ZNF420: variants seen among roughly 807,000 people sequenced by gnomAD.
ZNF420 encodes the protein ATM and p53-associated KZNF protein.
Under a neutral mutation model 44.7 loss-of-function variants are expected in ZNF420, and 31 were observed. The observed-to-expected ratio is 0.69, with a 90% CI of 0.52 to 0.94. ZNF420 has a LOEUF of 0.94. Among genes scored for constraint, ZNF420 ranks in the 40% least tolerant of loss-of-function variants. The pLI, the probability that ZNF420 is intolerant of heterozygous loss-of-function variation, is 0.00. For synonymous variants in ZNF420, 245 were observed against 267.4 expected, an observed-to-expected ratio of 0.92 and a Z score of 0.82; for missense variants, 681 against 827.9, an observed-to-expected ratio of 0.82 and a Z score of 2.18.
intron 1 of ZNF420, among the ~76,000 whole-genome samples, chr19:37,019,492 A>T (rs1272945802): frequency 3.3e-5 from 5 of 152,160 alleles, no homozygotes; most frequent in Non-Finnish European, 7.4e-5. Context: ...TTGAAAATGG[A>T]GGCCAGGCGT....
intron 4 of ZNF420, among the ~76,000 whole-genome samples, chr19:37,097,650 T>C (rs539448138): frequency 6.6e-6 from 1 of 152,182 alleles, no homozygotes; most frequent in East Asian, 1.9e-4. Flanking sequence ...TATTAAAAAT[T>C]TTTTTGCATT....
At chr19:37,017,586 G>A (rs2074617195) in intron 1 of ZNF420, among the ~76,000 whole-genome samples, 1 of 152,048 alleles carries the variant, frequency 6.6e-6, no homozygotes, top group African/African-American at 2.4e-5. Context: ...CTCAATTCAC[G>A]CAAAAAGTTT....
intron 4 of ZNF420, among the ~76,000 whole-genome samples, chr19:37,101,475 G>A (rs1401162496): frequency 1.3e-5 from 2 of 152,138 alleles, no homozygotes; most frequent in Non-Finnish European, 2.9e-5. Flanking sequence ...AGCCTGGGCA[G>A]CAGAGCAAGA....
At chr19:37,084,832 T>G (rs1968664711) in intron 2 of ZNF420, among the ~76,000 whole-genome samples, 1 of 152,210 alleles carries the variant, frequency 6.6e-6, no homozygotes, top group Non-Finnish European at 1.5e-5. Flanking sequence ...TCTTTTTAAT[T>G]AAAGCCTTAA....
chr19:37,047,240 T>C (rs908872986), intron 1 of ZNF420, among the ~76,000 whole-genome samples: 2 of 152,208 alleles, frequency 1.3e-5, no homozygotes, highest in Non-Finnish European at 2.9e-5. Context: ...AATGTCATAG[T>C]ATTAGGAAGT....
chr19:37,011,238 C>T (rs1006481589), intron 1 of ZNF420, among the ~76,000 whole-genome samples: 1 of 152,146 alleles, frequency 6.6e-6, no homozygotes, highest in African/African-American at 2.4e-5. Context: ...TCTCCAAACC[C>T]GTTTCTGGTG....
At chr19:37,115,760 G>T (rs1346548514) in intron 4 of ZNF420, among the ~76,000 whole-genome samples, 1 of 151,808 alleles carries the variant, frequency 6.6e-6, no homozygotes, top group Non-Finnish European at 1.5e-5. Flanking sequence ...GTGTTGGGCT[G>T]GGGGGCGGTC....
chr19:37,060,397 TC>T (rs67493931), intron 1 of ZNF420, among the ~76,000 whole-genome samples: 27,988 of 152,040 alleles, frequency 0.18, 2,775 homozygotes, highest in African/African-American at 0.26. Context: ...TTGGCACTCC[TC>T]CCCTCAGCCC....
chr19:37,126,535 A>G (rs1971356042), intron 4 of ZNF420, among the ~76,000 whole-genome samples: 1 of 152,210 alleles, frequency 6.6e-6, no homozygotes, highest in South Asian at 2.1e-4. Flanking sequence ...GAAAATCATT[A>G]TCTGAATCTG....
chr19:37,048,398 C>A (rs2146419707), intron 1 of ZNF420, among the ~76,000 whole-genome samples: 1 of 152,134 alleles, frequency 6.6e-6, no homozygotes, highest in South Asian at 2.1e-4. Flanking sequence ...ATAAGACAAC[C>A]AAAAAGAAAT....
At chr19:37,052,718 T>G (rs1439861847) in intron 1 of ZNF420, among the ~76,000 whole-genome samples, 1 of 152,246 alleles carries the variant, frequency 6.6e-6, no homozygotes, top group Non-Finnish European at 1.5e-5. Flanking sequence ...GTAGAGTTTC[T>G]GCCAAGAGAT....
Position 37,128,324 on chromosome 19 carries a change from A to T in ZNF420, c.1333A>T (p.Lys445Ter). The part of the protein sequence containing the change: ...TRHQRIHTGE[K>*]PYECKECGKT... ...ACACCAGAGGATTCATACTGGTGAG[A>T]AACCCTATGAATGTAAAGAATGTGG... Residue 445 changes from lysine to a stop codon, truncating the protein, a stop_gained, in exon 5 of 5, where the codon AAA (lysine) becomes TAA (stop). Transcript: ENST00000337995. LOFTEE classifies it high-confidence loss of function. 4 of 1,614,068 alleles carry T rather than the reference A, an allele frequency of 2.5e-6. No homozygotes were observed. The highest frequency in any genetic ancestry group is 3.4e-6 in the Non-Finnish European group (4 of 1,179,978).
At chr19:37,068,501 G>A (rs1456381026) in intron 1 of ZNF420, among the ~76,000 whole-genome samples, 4 of 152,068 alleles carry the variant, frequency 2.6e-5, no homozygotes, top group African/African-American at 9.7e-5. Flanking sequence ...TTAGCTAGGC[G>A]TGATGGTGGA....
chr19:37,020,076 G>A (rs921415572), intron 1 of ZNF420, among the ~76,000 whole-genome samples: 5 of 151,992 alleles, frequency 3.3e-5, no homozygotes, highest in African/African-American at 1.2e-4. Flanking sequence ...AATGAGCCGG[G>A]CACAGTGGCG....
intron 2 of ZNF420, among the ~76,000 whole-genome samples, chr19:37,081,415 G>A (rs1469915978): frequency 6.6e-6 from 1 of 151,882 alleles, no homozygotes; most frequent in Non-Finnish European, 1.5e-5. Flanking sequence ...CAGGTAGGTT[G>A]ATAGTATTTT....
chr19:37,009,449 G>T (rs8110696), intron 1 of ZNF420, among the ~76,000 whole-genome samples: 48,548 of 151,992 alleles, frequency 0.32, 7,996 homozygotes, highest in Non-Finnish European at 0.34. Flanking sequence ...CTGGACACCA[G>T]TGTTCGTCTC....
chr19:37,026,877 C>G (rs1171777139), intron 1 of ZNF420, among the ~76,000 whole-genome samples: 2 of 152,172 alleles, frequency 1.3e-5, no homozygotes, highest in African/African-American at 4.8e-5. Flanking sequence ...AAATATTAGT[C>G]AATACCCTAA....
intron 4 of ZNF420, among the ~76,000 whole-genome samples, chr19:37,120,045 A>G (rs1307054464): frequency 6.6e-6 from 1 of 152,220 alleles, no homozygotes; most frequent in Non-Finnish European, 1.5e-5. Flanking sequence ...CCAGAGGTAC[A>G]AGGAGGAGCT....
intron 1 of ZNF420, among the ~76,000 whole-genome samples, chr19:37,020,115 G>A (rs912563752): frequency 6.6e-6 from 1 of 151,750 alleles, no homozygotes; most frequent in Non-Finnish European, 1.5e-5. Flanking sequence ...TACTCGGGAG[G>A]CTGAGGCAGA....
Sources: allele counts gnomAD v4.1 joint callset (sites outside exome capture counted in the v4.1 genomes callset), GRCh38; gene constraint gnomAD v4.1.1; transcripts MANE v1.5; gene names NCBI Gene and HGNC (gene_info 2026-07-23, HGNC 2026-07-21).